ANKRD55: variants seen among roughly 807,000 people sequenced by gnomAD.
ANKRD55 encodes the protein ankyrin repeat domain 55, also known as ankyrin repeat domain-containing protein 55.
ANKRD55 carries 41 observed loss-of-function variants against 60.6 expected under a neutral mutation model. That is an observed-to-expected ratio of 0.68 (90% CI 0.53 to 0.88). The LOEUF is 0.88. Among genes scored for constraint, ANKRD55 ranks in the 40% least tolerant of loss-of-function variants. ANKRD55 has a pLI of 0.00. For synonymous variants in ANKRD55, 264 were observed against 290.3 expected (o/e 0.91, Z 0.92); for missense variants, 732 against 767.6 (o/e 0.95, Z 0.55).
intron 2 of ANKRD55, among the ~76,000 whole-genome samples, chr5:56,205,971 C>CTTG (rs1759495934): frequency 7.3e-6 from 1 of 137,150 alleles, no homozygotes; most frequent in African/African-American, 3.2e-5. Flanking sequence ...TTCTTTCTTT[C>CTTG]TTGTTTTTTT....
chr5:56,103,272 G>C (rs1201963859), intron 10 of ANKRD55, among the ~76,000 whole-genome samples: 1 of 152,174 alleles, frequency 6.6e-6, no homozygotes, highest in Non-Finnish European at 1.5e-5. Flanking sequence ...GAAATTTTGT[G>C]AACTGTTTGA....
chr5:56,214,584 G>A (rs545236621), intron 2 of ANKRD55, among the ~76,000 whole-genome samples: 2 of 152,198 alleles, frequency 1.3e-5, no homozygotes, highest in South Asian at 4.1e-4. Flanking sequence ...ACAGTAAGCA[G>A]CAGCACTGGG....
Position 56,220,560 on chromosome 5 carries a change from C to T in ANKRD55, c.58+12296G>A, listed in dbSNP as rs563357377. 9.3e-4 allele frequency among the ~76,000 whole-genome samples: 141 copies of T among 152,264 alleles called. 3 individuals are homozygous for T. In the Middle Eastern group the frequency reaches 0.027, roughly 29 times the overall value. Reference sequence around the variant, plus strand: ...CGGGGCACAGTGGCTCACGCCTGTACTTCCAGCACTTTGGGAGGCCGAGGA... The same window carrying T: ...CGGGGCACAGTGGCTCACGCCTGTATTTCCAGCACTTTGGGAGGCCGAGGA... On this transcript the variant is annotated intron_variant, in intron 2 of 11. Transcript: ENST00000341048.
chr5:56,211,950 AT>A (rs1349179637), intron 2 of ANKRD55, among the ~76,000 whole-genome samples: 1 of 152,144 alleles, frequency 6.6e-6, no homozygotes, highest in Non-Finnish European at 1.5e-5. Context: ...ATTAAGATAA[AT>A]ATCAAATGGC....
At chr5:56,207,051 C>G (rs748046142) in intron 2 of ANKRD55, among the ~76,000 whole-genome samples, 1 of 152,224 alleles carries the variant, frequency 6.6e-6, no homozygotes. Context: ...TTGGCTAACA[C>G]TAAGGCCATT....
At chr5:56,201,192 A>G (rs1759362179) in intron 2 of ANKRD55, among the ~76,000 whole-genome samples, 1 of 152,166 alleles carries the variant, frequency 6.6e-6, no homozygotes. Flanking sequence ...CTTTGAAGAA[A>G]CTGCATTCTT....
chr5:56,167,173 C>T (rs565418986), intron 5 of ANKRD55, among the ~76,000 whole-genome samples: 82 of 152,250 alleles, frequency 5.4e-4, no homozygotes, highest in Non-Finnish European at 8.7e-4. Context: ...AGAAATGTGT[C>T]GTTTGGCGAT....
chr5:56,118,422 G>A (rs187106838), intron 8 of ANKRD55, among the ~76,000 whole-genome samples: 2,827 of 152,106 alleles, frequency 0.019, 84 homozygotes, highest in African/African-American at 0.065. Context: ...TCAGGAGATC[G>A]AGACCATCCT....
intron 2 of ANKRD55, among the ~76,000 whole-genome samples, chr5:56,188,417 C>T (rs1047369103): frequency 2.0e-5 from 3 of 152,022 alleles, no homozygotes; most frequent in Non-Finnish European, 2.9e-5. Context: ...GTCAATCTCC[C>T]GAAGCATTTC....
At chr5:56,167,485 G>A (rs1758511794) in intron 5 of ANKRD55, among the ~76,000 whole-genome samples, 1 of 152,198 alleles carries the variant, frequency 6.6e-6, no homozygotes, top group South Asian at 2.1e-4. Context: ...CTGTATGGTT[G>A]TTAGGACTTA....
intron 3 of ANKRD55, among the ~76,000 whole-genome samples, chr5:56,179,919 A>G (rs2111827599): frequency 6.6e-6 from 1 of 152,308 alleles, no homozygotes; most frequent in South Asian, 2.1e-4. Context: ...TAACCTAGCT[A>G]GTTTTGATTT....
At chr5:56,205,783 A>T (rs550997059) in intron 2 of ANKRD55, among the ~76,000 whole-genome samples, 3 of 152,084 alleles carry the variant, frequency 2.0e-5, no homozygotes, top group South Asian at 2.1e-4. Flanking sequence ...TTAAGAAAAC[A>T]AGTGTAATTT....
chr5:56,213,518 G>GA (rs150582110), intron 2 of ANKRD55, among the ~76,000 whole-genome samples: 11,321 of 144,210 alleles, frequency 0.079, 971 homozygotes, highest in African/African-American at 0.2. Context: ...CAATAAAATT[G>GA]AAAAAAAAAA....
intron 6 of ANKRD55, among the ~76,000 whole-genome samples, chr5:56,155,466 T>C (rs927629622): frequency 1.3e-5 from 2 of 152,190 alleles, no homozygotes; most frequent in South Asian, 4.1e-4. Context: ...ATTTCATTAT[T>C]ATGCTAAGTA....
At chr5:56,110,969 G>T in intron 10 of ANKRD55, 149 bp downstream of exon 10, 1 of 864,116 alleles carries the variant, frequency 1.2e-6, no homozygotes, top group Non-Finnish European at 1.8e-6. Context: ...CAAATCCAGT[G>T]CACTTTGGGA....
Position 56,126,935 on chromosome 5 carries a change from C to T in ANKRD55, c.784G>A (p.Asp262Asn), listed in dbSNP as rs755872832. ...RVPECNLQAL[D>N]VDDRTPLHWA... ...TACCATGGATACCTGTCATCCACAT[C>T]CAGAGCCTGCAGGTTACACTCAGGG... Residue 262 changes from aspartate (D) to asparagine (N), a missense_variant, in exon 8 of 12, where the codon GAT becomes AAT. Around this residue, in one of 3 missense-constraint regions of ANKRD55, gnomAD observed 597 missense variants for 607.5 expected, o/e 0.98. Coordinates refer to ENST00000341048, the MANE Select transcript of ANKRD55 (RefSeq NM_024669.3). 14 of 1,609,200 alleles carry T rather than the reference C, an allele frequency of 8.7e-6. No homozygotes were observed. Among genetic ancestry groups the T allele is most frequent in the Non-Finnish European group, 1.2e-5 (14 of 1,177,114 alleles).
chr5:56,154,939 C>T (rs758594092), intron 6 of ANKRD55, among the ~76,000 whole-genome samples: 3 of 151,948 alleles, frequency 2.0e-5, no homozygotes, highest in Non-Finnish European at 4.4e-5. Context: ...GGCTTCATTC[C>T]AAAATGTTCT....
rs190491733 is a variant in ANKRD55 at position 56,225,236 on chromosome 5, G to A, written c.58+7620C>T. On this transcript the variant is annotated intron_variant, in intron 2 of 11. Coordinates refer to ENST00000341048, the MANE Select transcript of ANKRD55 (RefSeq NM_024669.3). ...AAACAGAACCAAAGACAAAAACCAC[G>A]TGATTATCTCAATAGATGCAGAAAA... Among the ~76,000 whole-genome samples the A allele has an allele frequency of 1.2e-3, 188 of 152,046 alleles. 3 individuals are homozygous for A. In the Middle Eastern group the frequency reaches 0.027, roughly 22 times the overall value.
chr5:56,218,580 CATACTTA>C (rs1759879441), intron 2 of ANKRD55, among the ~76,000 whole-genome samples: 1 of 152,206 alleles, frequency 6.6e-6, no homozygotes, highest in African/African-American at 2.4e-5. Flanking sequence ...AATGCTGTTG[CATACTTA>C]ATAGATTACA....
Sources: allele counts gnomAD v4.1 joint callset (sites outside exome capture counted in the v4.1 genomes callset), GRCh38; gene constraint gnomAD v4.1.1; regional missense constraint gnomAD v4.1.1; transcripts MANE v1.5; gene names NCBI Gene and HGNC (gene_info 2026-07-23, HGNC 2026-07-21).